SMS: variants seen among roughly 807,000 people sequenced by gnomAD.
The protein encoded by SMS is spermine synthase.
In SMS, 3 loss-of-function variants were observed where a neutral mutation model predicts 33.0. The ratio of observed to expected loss-of-function variants is 0.09; its 90% CI spans 0.04 to 0.23. SMS has a LOEUF of 0.23. Ranked by LOEUF, SMS falls within the 10% of genes least tolerant of loss-of-function variation. The pLI, the probability that SMS is intolerant of heterozygous loss-of-function variation, is 1.00. For missense variants in SMS, 117 were observed against 288.6 expected (o/e 0.41, Z 4.31); for synonymous variants, 103 against 112.2 (o/e 0.92, Z 0.52).
chrX:21,977,823 C>A, intron 5 of SMS, 137 bp from the exon 6 acceptor site: 1 of 636,365 alleles, frequency 1.6e-6, no homozygotes, highest in Non-Finnish European at 2.6e-6. Context: ...AAAAAGCTTG[C>A]AAATTGTTCA....
At chrX:21,987,653 C>T (rs1925440639) in intron 9 of SMS, among the ~76,000 whole-genome samples, 1 of 112,538 alleles carries the variant, frequency 8.9e-6, no homozygotes, top group African/African-American at 3.2e-5. Flanking sequence ...TCTGCAAATA[C>T]ATAAAAGGAA....
At chrX:21,957,153 CTTTTT>C (rs111845628) in intron 1 of SMS, among the ~76,000 whole-genome samples, 1 of 91,196 alleles carries the variant, frequency 1.1e-5, no homozygotes. Flanking sequence ...AAACCAACTA[CTTTTT>C]TTTTTTTTTT....
chrX:21,967,864 A>T (rs1183966134), intron 2 of SMS, among the ~76,000 whole-genome samples: 1 of 111,867 alleles, frequency 8.9e-6, no homozygotes, highest in African/African-American at 3.3e-5. Context: ...CGGTAGGTCA[A>T]CTCCCTGGAG....
At chrX:21,975,783 T>G (rs908070444) in intron 4 of SMS, among the ~76,000 whole-genome samples, 5 of 110,698 alleles carry the variant, frequency 4.5e-5, no homozygotes, top group African/African-American at 1.6e-4. Context: ...TCGGTGTTCT[T>G]TATAGATGTT....
chrX:21,991,597 C>T (rs1481230808), intron 9 of SMS, among the ~76,000 whole-genome samples: 1 of 112,467 alleles, frequency 8.9e-6, no homozygotes, highest in Non-Finnish European at 1.9e-5. Context: ...TTTCTAAATT[C>T]ATAATGAAAA....
chrX:21,956,801 C>G (rs374169401), intron 1 of SMS, among the ~76,000 whole-genome samples: 94 of 112,085 alleles, frequency 8.4e-4, no homozygotes, highest in African/African-American at 2.9e-3. Flanking sequence ...CGCCATTTTG[C>G]CCAGGCTGGT....
chrX:21,971,758 A>G (rs1030750729), intron 2 of SMS, 139 bp from the exon 3 acceptor site: 5 of 499,848 alleles, frequency 1.0e-5, no homozygotes, highest in Non-Finnish European at 1.4e-5. Context: ...CCTAGTAAGA[A>G]AGCAAAAAGC....
At chrX:21,993,168 TA>T (rs1343787416) in intron 10 of SMS, among the ~76,000 whole-genome samples, 1 of 112,294 alleles carries the variant, frequency 8.9e-6, no homozygotes, top group Non-Finnish European at 1.9e-5. Context: ...AGCCCTAGTC[TA>T]AAATAACCAC....
intron 1 of SMS, among the ~76,000 whole-genome samples, chrX:21,944,688 A>G (rs1922087751): frequency 9.1e-6 from 1 of 109,756 alleles, no homozygotes; most frequent in Non-Finnish European, 1.9e-5. Flanking sequence ...TCTCAAAAAC[A>G]AAACAAGGGC....
intron 2 of SMS, 150 bp from the exon 3 acceptor site, chrX:21,971,747 C>G: frequency 2.1e-6 from 1 of 486,651 alleles, no homozygotes; most frequent in Non-Finnish European, 3.7e-6. Context: ...CAAGACGCAG[C>G]CCTAGTAAGA....
At chrX:21,973,915 C>T (rs1379762083) in intron 4 of SMS, among the ~76,000 whole-genome samples, 2 of 112,989 alleles carry the variant, frequency 1.8e-5, no homozygotes, top group Non-Finnish European at 3.7e-5. Context: ...TGGGAAGGAA[C>T]TAGTGTCTGG....
At chrX:21,979,187 TC>T (rs1924737520) in intron 7 of SMS, among the ~76,000 whole-genome samples, 1 of 48,201 alleles carries the variant, frequency 2.1e-5, no homozygotes, top group South Asian at 2.5e-3. Flanking sequence ...TAAAATTAAT[TC>T]TTTTTTTTTT....
intron 4 of SMS, among the ~76,000 whole-genome samples, chrX:21,974,123 C>T (rs953264145): frequency 8.9e-6 from 1 of 112,284 alleles, no homozygotes; most frequent in Non-Finnish European, 1.9e-5. Flanking sequence ...ACAGGTTTCT[C>T]CAGTTCATGG....
intron 5 of SMS, among the ~76,000 whole-genome samples, chrX:21,977,709 G>T (rs750919787): frequency 9.0e-6 from 1 of 111,602 alleles, no homozygotes; most frequent in Non-Finnish European, 1.9e-5. Context: ...TTAGTTATTC[G>T]GTATATTGAC....
intron 1 of SMS, among the ~76,000 whole-genome samples, chrX:21,954,881 G>C (rs898626151): frequency 1.8e-5 from 2 of 111,042 alleles, no homozygotes; most frequent in Non-Finnish European, 3.8e-5. Context: ...CTGTTGCCCA[G>C]GATGAAGTGC....
At chrX:21,987,521 C>G (rs1403004683) in intron 9 of SMS, among the ~76,000 whole-genome samples, 1 of 112,172 alleles carries the variant, frequency 8.9e-6, no homozygotes, top group African/African-American at 3.2e-5. Flanking sequence ...TGAGGTCTCA[C>G]TATGTTGCCC....
In SMS at chrX:21,972,916, CAAAAAA is replaced by C. The variant is rs981181175; in HGVS notation, c.329+364_329+369del. Among the ~76,000 whole-genome samples, 15 of 39,574 alleles carry C rather than the reference CAAAAAA, an allele frequency of 3.8e-4. No individual in the cohort carries two copies. In the South Asian group the frequency reaches 5.2e-3, roughly 14 times the overall value. 34.4% of individuals were successfully genotyped at this position (39,574 alleles called of 115,157 possible). ...CCTGGGTGACACAATGAGACTGTCT[CAAAAAA>C]AAAAAAAAAAAAAAAAAATTCAGAA... On this transcript the variant is annotated intron_variant, in intron 4 of 10. Transcript: ENST00000404933.
At chrX:21,968,912 C>T (rs1923928300) in intron 2 of SMS, among the ~76,000 whole-genome samples, 1 of 111,667 alleles carries the variant, frequency 9.0e-6, no homozygotes, top group Non-Finnish European at 1.9e-5. Flanking sequence ...CCCCAATAAC[C>T]TATGGAAATA....
chrX:21,991,689 A>G (rs928691763), intron 9 of SMS, among the ~76,000 whole-genome samples: 3 of 112,555 alleles, frequency 2.7e-5, no homozygotes, highest in African/African-American at 9.7e-5. Context: ...AAGATCCCCT[A>G]TGATATCATA....
Sources: allele counts gnomAD v4.1 joint callset (sites outside exome capture counted in the v4.1 genomes callset), GRCh38; gene constraint gnomAD v4.1.1; transcripts MANE v1.5; gene names NCBI Gene and HGNC (gene_info 2026-07-23, HGNC 2026-07-21).